The following SRRM4 variants were observed in gnomAD, a reference collection of about 807,000 sequenced individuals.
The protein encoded by SRRM4 is serine/arginine repetitive matrix protein 4.
Under a neutral mutation model 68.9 loss-of-function variants are expected in SRRM4, and 33 were observed. That is an observed-to-expected ratio of 0.48 (90% CI 0.36 to 0.64). SRRM4 has a LOEUF of 0.64. Ranked by LOEUF, SRRM4 falls within the 30% of genes least tolerant of loss-of-function variation. The pLI is 0.00. For missense variants in SRRM4, 817 were observed against 827.1 expected (o/e 0.99, Z 0.15); for synonymous variants, 318 against 318.8 (o/e 1.00, Z 0.03).
chr12:119,134,770 G>A (rs1954318240), intron 8 of SRRM4, among the ~76,000 whole-genome samples: 1 of 152,172 alleles, frequency 6.6e-6, no homozygotes, highest in African/African-American at 2.4e-5. Context: ...GTCACTCCTG[G>A]CAGTGATGAA....
Position 119,156,897 on chromosome 12 carries a change from C to T in SRRM4, c.*99C>T, listed in dbSNP as rs1248152653. 10 of 1,376,060 alleles carry T rather than the reference C, an allele frequency of 7.3e-6. No homozygotes were observed. The East Asian group carries it at 2.0e-4, about 28-fold the overall frequency. The allele number at this position is 1,376,060 out of a possible 1,614,324, so 85.2% of individuals were successfully genotyped here. The stretch of plus-strand genomic sequence containing the variant: ...TTCTTGGTGACAAATAGTGAGGGCT[C>T]CTATACCTTGTCCTTCCTGCTTGCC... On this transcript the variant is annotated 3_prime_UTR_variant, in exon 13 of 13. Coordinates refer to ENST00000267260, the MANE Select transcript of SRRM4 (RefSeq NM_194286.4).
chr12:119,124,792 C>G (rs1954246470), intron 6 of SRRM4, among the ~76,000 whole-genome samples: 1 of 152,012 alleles, frequency 6.6e-6, no homozygotes, highest in African/African-American at 2.4e-5. Context: ...GCCTAATTTA[C>G]TCTGCAAATG....
In SRRM4 at chr12:119,120,242, C is replaced by G. The variant is rs1414730049; in HGVS notation, c.438-8C>G. 102 of 1,501,988 alleles carry G rather than the reference C, an allele frequency of 6.8e-5. No individual in the cohort carries two copies. Among genetic ancestry groups the G allele is most frequent in the Non-Finnish European group, 8.8e-5 (99 of 1,120,804 alleles). The allele number at this position is 1,501,988 out of a possible 1,614,324, so 93.0% of individuals were successfully genotyped here. A position where few individuals can be genotyped will look rare whatever the true frequency, so the allele number is the denominator to read the frequency against. On this transcript the variant is annotated splice_polypyrimidine_tract_variant and splice_region_variant and intron_variant, in intron 4 of 12. Coordinates refer to ENST00000267260, the MANE Select transcript of SRRM4 (RefSeq NM_194286.4). ...TTCTTTTCATTTTTTTTCTTTCTTT[C>G]TTTTCAGGTCATTCTCCAAGAAGAG...
At position 119,156,617 on chromosome 12, in the gene SRRM4, G is replaced by A. The variant is rs775900641; in HGVS notation, c.1655G>A (p.Ser552Asn). ...TCGGCCAGCCGCAGCTACTCCCGGAGCCGGAGTCGGAGCCGGAGCCGGAGA... is the reference window on the plus strand; with the variant it reads ...TCGGCCAGCCGCAGCTACTCCCGGAACCGGAGTCGGAGCCGGAGCCGGAGA... ...SRSASRSYSR[S>N]RSRSRSRRRS... Residue 552 changes from serine (S) to asparagine (N), a missense_variant, in exon 13 of 13, where the codon AGC becomes AAC. Physicochemically the swap from Ser to Asn is conservative, Grantham distance 46. Transcript: ENST00000267260. 9 of 1,608,718 alleles carry A rather than the reference G, an allele frequency of 5.6e-6. 1 individual carries two copies. In the South Asian group the frequency reaches 8.9e-5, roughly 16 times the overall value.
chr12:119,141,095 C>G (rs999917128), intron 8 of SRRM4, among the ~76,000 whole-genome samples: 2 of 152,220 alleles, frequency 1.3e-5, no homozygotes, highest in Non-Finnish European at 2.9e-5. Flanking sequence ...GCACATGCCA[C>G]CACACCCGGC....
At chr12:119,102,866 G>C (rs1436946755) in intron 2 of SRRM4, among the ~76,000 whole-genome samples, 1 of 152,140 alleles carries the variant, frequency 6.6e-6, no homozygotes, top group East Asian at 1.9e-4. Context: ...CACCCACTGT[G>C]TGATGGCACT....
At chr12:119,131,061 T>C (rs1487144133) in intron 8 of SRRM4, among the ~76,000 whole-genome samples, 1 of 152,166 alleles carries the variant, frequency 6.6e-6, no homozygotes, top group Admixed American at 6.5e-5. Context: ...ATACCCAGTC[T>C]TTTTATCAGG....
chr12:119,143,293 C>T (rs148317730), intron 8 of SRRM4, among the ~76,000 whole-genome samples: 6 of 152,324 alleles, frequency 3.9e-5, no homozygotes, highest in East Asian at 1.9e-4. Flanking sequence ...GAAGTCCCCC[C>T]TCCTTTAGGG....
At chr12:119,047,095 A>G (rs928237618) in intron 1 of SRRM4, among the ~76,000 whole-genome samples, 2 of 151,442 alleles carry the variant, frequency 1.3e-5, no homozygotes, top group Non-Finnish European at 2.9e-5. Context: ...TGGCTTAGCT[A>G]CACCATTTCT....
At chr12:119,012,305 A>G (rs1055016936) in intron 1 of SRRM4, among the ~76,000 whole-genome samples, 3 of 152,208 alleles carry the variant, frequency 2.0e-5, no homozygotes, top group African/African-American at 7.2e-5. Flanking sequence ...GAAACGCTGC[A>G]TCATGACCTG....
intron 1 of SRRM4, among the ~76,000 whole-genome samples, chr12:119,100,327 C>CAAAGAAAAAAA (rs1954070839): frequency 9.5e-6 from 1 of 105,446 alleles, no homozygotes; most frequent in Non-Finnish European, 1.9e-5. Flanking sequence ...CCTGTCTCTA[C>CAAAGAAAAAAA]AAAAAAAAAA....
chr12:119,071,958 G>A (rs1198021253), intron 1 of SRRM4, among the ~76,000 whole-genome samples: 9 of 152,192 alleles, frequency 5.9e-5, no homozygotes, highest in Non-Finnish European at 1.3e-4. Context: ...CTGAGTCTTA[G>A]GTGAGAAATA....
At chr12:119,126,606 T>A (rs1248768278) in intron 7 of SRRM4, among the ~76,000 whole-genome samples, 1 of 152,182 alleles carries the variant, frequency 6.6e-6, no homozygotes, top group African/African-American at 2.4e-5. Flanking sequence ...CTCAGTTTTC[T>A]CCTAACCTGG....
chr12:119,004,687 G>A (rs11069228), intron 1 of SRRM4, among the ~76,000 whole-genome samples: 23,206 of 151,788 alleles, frequency 0.15, 1,989 homozygotes, highest in East Asian at 0.28. Flanking sequence ...AAGTCAGCCC[G>A]GCTGATAGCT....
At chr12:119,005,551 G>A (rs145718036) in intron 1 of SRRM4, among the ~76,000 whole-genome samples, 1 of 152,302 alleles carries the variant, frequency 6.6e-6, no homozygotes, top group East Asian at 1.9e-4. Flanking sequence ...ACAGGGAGGT[G>A]TATATTTACA....
At chr12:119,014,230 TG>T (rs1270511218) in intron 1 of SRRM4, among the ~76,000 whole-genome samples, 1 of 152,192 alleles carries the variant, frequency 6.6e-6, no homozygotes, top group Non-Finnish European at 1.5e-5. Flanking sequence ...AAGAGCTCTT[TG>T]CATATTAAAG....
chr12:118,989,137 G>A (rs1953300468), intron 1 of SRRM4, among the ~76,000 whole-genome samples: 1 of 152,218 alleles, frequency 6.6e-6, no homozygotes, highest in Non-Finnish European at 1.5e-5. Context: ...CTGGGGGCAG[G>A]AGGTGGTCCC....
chr12:118,998,937 T>C (rs1171133411), intron 1 of SRRM4, among the ~76,000 whole-genome samples: 1 of 152,202 alleles, frequency 6.6e-6, no homozygotes, highest in Non-Finnish European at 1.5e-5. Context: ...GTTTGGGGTA[T>C]AAAGAGATTT....
intron 1 of SRRM4, among the ~76,000 whole-genome samples, chr12:119,043,144 G>T (rs1288158462): frequency 6.6e-6 from 1 of 152,138 alleles, no homozygotes; most frequent in African/African-American, 2.4e-5. Context: ...GAACCCAAAT[G>T]CCCATCAATG....
Sources: allele counts gnomAD v4.1 joint callset (sites outside exome capture counted in the v4.1 genomes callset), GRCh38; gene constraint gnomAD v4.1.1; transcripts MANE v1.5; gene names NCBI Gene and HGNC (gene_info 2026-07-23, HGNC 2026-07-21).